The following NRSN1 variants were observed in gnomAD, a reference collection of about 807,000 sequenced individuals.
The protein encoded by NRSN1 is neurensin-1.
In NRSN1, 14 loss-of-function variants were observed where a neutral mutation model predicts 17.3. The observed-to-expected ratio is 0.81, with a 90% confidence interval of 0.54 to 1.27. NRSN1 has a LOEUF of 1.27. Ranked by LOEUF, NRSN1 falls within the 50% of genes most tolerant of loss-of-function variation. NRSN1 has a pLI of 0.00. For missense variants in NRSN1, 209 were observed against 235.9 expected (o/e 0.89, Z 0.75); for synonymous variants, 79 against 94.2 (o/e 0.84, Z 0.93).
In NRSN1 at chr6:24,145,237, A is replaced by C; in HGVS notation, c.190-311A>C. Among the ~76,000 whole-genome samples the C allele has an allele frequency of 6.8e-6, 1 of 146,750 alleles. No individual in the cohort carries two copies. The highest frequency in any genetic ancestry group is 2.1e-4 in the South Asian group (1 of 4,760). On this transcript the variant is annotated intron_variant, in intron 3 of 3. Coordinates refer to ENST00000378491, the MANE Select transcript of NRSN1 (RefSeq NM_080723.5). This position sits in a 1 kb window ranked among gnomAD's most constrained non-coding sequence, Gnocchi z 4.4. ...TAATATAAAGATTATATATATCTTT[A>C]GATAATATAAAGATTATATATATAT...
At chr6:24,143,836 C>A (rs1469791009) in intron 3 of NRSN1, among the ~76,000 whole-genome samples, 7 of 152,154 alleles carry the variant, frequency 4.6e-5, no homozygotes. Flanking sequence ...TATGGATAGT[C>A]TCATTTAGTC....
intron 2 of NRSN1, among the ~76,000 whole-genome samples, chr6:24,133,822 G>C (rs1016368069): frequency 6.6e-6 from 1 of 151,918 alleles, no homozygotes; most frequent in African/African-American, 2.4e-5. Flanking sequence ...TTATAAGAAA[G>C]ACAGGTTTGT....
intron 3 of NRSN1, among the ~76,000 whole-genome samples, chr6:24,142,226 C>G (rs1317144990): frequency 3.6e-5 from 2 of 54,850 alleles, no homozygotes; most frequent in Non-Finnish European, 8.0e-5. Flanking sequence ...AGAAGACATC[C>G]TATTGACTCT....
rs80040702 is a variant in NRSN1, at chr6:24,135,641, G to T, written c.189+1125G>T. Among the ~76,000 whole-genome samples the T allele has an allele frequency of 6.3e-4, 96 of 152,290 alleles. No individual in the cohort carries two copies. The East Asian group carries it at 0.016, about 25-fold the overall frequency. On this transcript the variant is annotated intron_variant, in intron 3 of 3. Coordinates refer to ENST00000378491, the MANE Select transcript of NRSN1 (RefSeq NM_080723.5). ...GTGGCGTTAGTGGAGATGGTGAAAA[G>T]TAGTCAGATTTAGGTAAAGGTTATG... is the stretch of plus-strand genomic sequence containing the variant.
In NRSN1 at chr6:24,134,476, T is replaced by C; in HGVS notation, c.149T>C (p.Ile50Thr). The C allele has an allele frequency of 2.5e-6, 4 of 1,614,094 alleles. No individual in the cohort carries two copies. The highest frequency in any genetic ancestry group is 1.1e-5 in the South Asian group (1 of 91,080). The change falls in exon 3 of 4, where the codon ATC (isoleucine) becomes ACC (threonine). Residue 50 changes from isoleucine (I) to threonine (T), a missense_variant. By Grantham distance (89) the Ile-to-Thr change is moderately conservative. Transcript: ENST00000378491. ...SIWEYEDDFQ[I>T]QRSPNRWSSV... is the part of the protein sequence containing the mutation. ...TGGGAGTATGAGGATGATTTCCAGA[T>C]CCAAAGATCACCTAACAGGTGGAGC... is the stretch of plus-strand genomic sequence containing the variant.
chr6:24,135,466 A>C (rs1472745376), intron 3 of NRSN1, among the ~76,000 whole-genome samples: 5 of 152,182 alleles, frequency 3.3e-5, no homozygotes, highest in African/African-American at 1.2e-4. Flanking sequence ...ACAGGCAATG[A>C]ATTAAGAAAA....
chr6:24,141,031 G>A (rs1202730330), intron 3 of NRSN1: 42 of 1,472,898 alleles, frequency 2.9e-5, no homozygotes, highest in East Asian at 2.2e-4. Flanking sequence ...CACCTGGAGA[G>A]GCCCTTCTCT....
intron 3 of NRSN1, among the ~76,000 whole-genome samples, chr6:24,136,876 G>A (rs776019173): frequency 6.6e-6 from 1 of 152,132 alleles, no homozygotes; most frequent in Non-Finnish European, 1.5e-5. Flanking sequence ...GACTGACCTA[G>A]GAATTCACTG....
intron 3 of NRSN1, among the ~76,000 whole-genome samples, chr6:24,139,627 T>C (rs1004545739): frequency 1.3e-5 from 2 of 152,208 alleles, no homozygotes; most frequent in South Asian, 2.1e-4. Context: ...GTCAGAAATA[T>C]GGTCTAGAGC....
At chr6:24,129,382 A>T (rs1318116970) in intron 2 of NRSN1, 1 of 152,244 alleles carries the variant, frequency 6.6e-6, no homozygotes, top group Non-Finnish European at 1.5e-5. Flanking sequence ...GCCTTCATCC[A>T]CACCAACCCA....
chr6:24,134,622 T>TCACCAAGAGTGATG, intron 3 of NRSN1, 106 bp downstream of exon 3: 1 of 877,230 alleles, frequency 1.1e-6, no homozygotes, highest in Non-Finnish European at 1.8e-6. Context: ...TGTGTGTGCA[T>TCACCAAGAGTGATG]CACTCTTGGT....
intron 3 of NRSN1, among the ~76,000 whole-genome samples, chr6:24,144,503 T>A (rs1190246713): frequency 1.3e-5 from 2 of 152,008 alleles, no homozygotes; most frequent in African/African-American, 4.8e-5. Context: ...GTTGGGTGAT[T>A]TTGGGGAGGG....
Position 24,134,390 on chromosome 6 carries a change from C to T in NRSN1, c.63C>T (p.Tyr21=). 1 of 1,614,100 alleles carries T rather than the reference C, an allele frequency of 6.2e-7. No individual in the cohort carries two copies. The highest frequency in any genetic ancestry group is 8.5e-7 in the Non-Finnish European group (1 of 1,180,006). The change falls in exon 3 of 4, where the codon TAC becomes TAT. Residue 21 remains tyrosine, a synonymous_variant. Coordinates refer to ENST00000378491, the MANE Select transcript of NRSN1 (RefSeq NM_080723.5). The stretch of plus-strand genomic sequence containing the variant: ...CACAGGCTGCAGCTGAGGGTGGTTA[C>T]CAGCGCTATGGAGTCCGGTCCTACC... ...RQAQAAAEGG[Y]QRYGVRSYLH... is the part of the protein sequence containing the mutation.
chr6:24,145,868 A>C lies in NRSN1; in HGVS notation c.510A>C (p.Lys170Asn). ...AAGCCCACACCCAGCCGGTTACAAA[A>C]GCTCCAGGGCCAGGGGAAACAAAGA... ...DIKAHTQPVT[K>N]APGPGETKIP... Residue 170 changes from lysine (K) to asparagine (N), a missense_variant, in exon 4 of 4, where the codon AAA becomes AAC. By Grantham distance (94) the Lys-to-Asn change is moderately conservative. Transcript: ENST00000378491. This position sits in a 1 kb window ranked among gnomAD's most constrained non-coding sequence, Gnocchi z 4.4. 6.2e-7 allele frequency: 1 copy of C among 1,614,242 alleles called. No individual in the cohort carries two copies.
chr6:24,141,009 G>T, intron 3 of NRSN1: 1 of 1,470,102 alleles, frequency 6.8e-7, no homozygotes, highest in Non-Finnish European at 9.0e-7. Context: ...TGCTGTTTCG[G>T]GAGTTTGTCA....
At chr6:24,140,365 A>G (rs1760185135) in intron 3 of NRSN1, among the ~76,000 whole-genome samples, 1 of 152,194 alleles carries the variant, frequency 6.6e-6, no homozygotes, top group Admixed American at 6.5e-5. Context: ...TTCACTGCCC[A>G]GGTGAAAGGG....
chr6:24,135,231 C>T (rs1194003624), intron 3 of NRSN1, among the ~76,000 whole-genome samples: 1 of 152,106 alleles, frequency 6.6e-6, no homozygotes, highest in East Asian at 1.9e-4. Context: ...CTATGGATGA[C>T]AGGGGGTGAT....
intron 2 of NRSN1, among the ~76,000 whole-genome samples, chr6:24,133,633 T>A (rs752854947): frequency 6.6e-6 from 1 of 152,200 alleles, no homozygotes; most frequent in Non-Finnish European, 1.5e-5. Context: ...GATTAAAGAT[T>A]TCTTGTCAAG....
intron 3 of NRSN1, among the ~76,000 whole-genome samples, chr6:24,138,797 A>C (rs996917061): frequency 6.6e-6 from 1 of 152,192 alleles, no homozygotes; most frequent in Non-Finnish European, 1.5e-5. Flanking sequence ...CTAGATACTG[A>C]GAAGTTAGTT....
Sources: allele counts gnomAD v4.1 joint callset (sites outside exome capture counted in the v4.1 genomes callset), GRCh38; gene constraint gnomAD v4.1.1; non-coding constraint Gnocchi (gnomAD v3.1); transcripts MANE v1.5; gene names NCBI Gene and HGNC (gene_info 2026-07-23, HGNC 2026-07-21).